NTRK3: variants seen among roughly 807,000 people sequenced by gnomAD.
NTRK3 encodes the protein neurotrophic receptor tyrosine kinase 3.
A neutral mutation model predicts 91.7 loss-of-function variants in NTRK3; 24 were observed. The observed-to-expected ratio is 0.26, with a 90% CI of 0.19 to 0.37. NTRK3 has a LOEUF of 0.37. Ranked by LOEUF, NTRK3 falls within the 10% of genes least tolerant of loss-of-function variation. NTRK3 has a pLI of 1.00. For missense variants in NTRK3, 880 were observed against 1,068.9 expected (o/e 0.82, Z 2.46); for synonymous variants, 483 against 404.0 (o/e 1.20, Z -2.34).
At chr15:87,936,835 C>T (rs1031917270) in intron 15 of NTRK3, among the ~76,000 whole-genome samples, 2 of 152,024 alleles carry the variant, frequency 1.3e-5, no homozygotes, top group African/African-American at 4.8e-5. Flanking sequence ...ACAGGGGTGC[C>T]CCTCTCTTAT....
rs555053938 is a variant in NTRK3, at chr15:88,176,279, G to C, written c.395+7139C>G. On this transcript the variant is annotated intron_variant, in intron 5 of 18. Transcript: ENST00000394480. ...AACCTCCTGAGTAGTTGGGACTACA[G>C]GCAAGCGCCACCATGCCCAGCTAAT... Among the ~76,000 whole-genome samples, 5 of 152,010 alleles carry C rather than the reference G, an allele frequency of 3.3e-5. No homozygotes were observed. In the East Asian group the frequency reaches 9.7e-4, roughly 29 times the overall value.
At chr15:88,223,843 G>C (rs1279364924) in intron 3 of NTRK3, among the ~76,000 whole-genome samples, 1 of 152,192 alleles carries the variant, frequency 6.6e-6, no homozygotes, top group Non-Finnish European at 1.5e-5. Context: ...GTAGAGGCTA[G>C]AAACCGAGGC....
intron 14 of NTRK3, among the ~76,000 whole-genome samples, chr15:87,967,503 T>A (rs1178448842): frequency 6.6e-6 from 1 of 152,210 alleles, no homozygotes; most frequent in East Asian, 1.9e-4. Context: ...GAGCCTCACA[T>A]GTTCCTTAAA....
intron 14 of NTRK3, among the ~76,000 whole-genome samples, chr15:88,017,403 G>A (rs2077309336): frequency 6.6e-6 from 1 of 152,186 alleles, no homozygotes; most frequent in African/African-American, 2.4e-5. Context: ...ATCCATGAAG[G>A]CTTCCCCTTT....
rs59829232 is a variant in NTRK3, at chr15:88,056,202, AT to A, written c.1397-23158del. ...TATATATATATATATATATATATAT[AT>A]TTTTTTTTTAATGTAGAACCTTGAT... On this transcript the variant is annotated intron_variant, in intron 13 of 18. Coordinates refer to ENST00000394480, the Ensembl canonical transcript of NTRK3. 1.5e-3 allele frequency among the ~76,000 whole-genome samples: 153 copies of A among 104,850 alleles called. 2 individuals carry two copies. The highest frequency in any genetic ancestry group is 8.5e-3 in the East Asian group (27 of 3,158). The allele number at this position is 104,850 out of a possible 152,430, so 68.8% of individuals were successfully genotyped here.
chr15:88,178,529 T>C (rs772520484), intron 5 of NTRK3, among the ~76,000 whole-genome samples: 43 of 152,172 alleles, frequency 2.8e-4, no homozygotes, highest in Non-Finnish European at 4.1e-4. Flanking sequence ...CAGCTAAAGA[T>C]TGAGTGCACG....
At chr15:88,066,573 C>T (rs1227620722) in intron 13 of NTRK3, among the ~76,000 whole-genome samples, 4 of 152,182 alleles carry the variant, frequency 2.6e-5, no homozygotes, top group African/African-American at 9.7e-5. Context: ...CTCCCAGCAG[C>T]CTCCTGGATG....
intron 15 of NTRK3, among the ~76,000 whole-genome samples, chr15:87,939,439 A>G (rs1423149943): frequency 6.6e-6 from 1 of 152,242 alleles, no homozygotes; most frequent in Non-Finnish European, 1.5e-5. Flanking sequence ...TCAGTGGTAG[A>G]ACTGGGATTT....
At chr15:87,952,229 GA>G (rs1420942731) in intron 14 of NTRK3, among the ~76,000 whole-genome samples, 1 of 138,822 alleles carries the variant, frequency 7.2e-6, no homozygotes, top group African/African-American at 3.3e-5. Context: ...AAAAGAGAAA[GA>G]AAAGAAAAGA....
chr15:88,221,969 A>G (rs545430992), intron 3 of NTRK3, among the ~76,000 whole-genome samples: 2 of 152,350 alleles, frequency 1.3e-5, no homozygotes, highest in Admixed American at 6.5e-5. Context: ...CTTCTTGCAC[A>G]CCTTACATGC....
At chr15:88,154,940 A>G (rs2043749426) in intron 5 of NTRK3, among the ~76,000 whole-genome samples, 1 of 152,168 alleles carries the variant, frequency 6.6e-6, no homozygotes, top group Non-Finnish European at 1.5e-5. Flanking sequence ...ATACCCACAT[A>G]ACATCCTTAG....
At chr15:88,033,910 G>A (rs1227142711) in intron 13 of NTRK3, among the ~76,000 whole-genome samples, 1 of 152,154 alleles carries the variant, frequency 6.6e-6, no homozygotes, top group Non-Finnish European at 1.5e-5. Flanking sequence ...CTTCTAGGGA[G>A]CTTTAACAAT....
intron 17 of NTRK3, among the ~76,000 whole-genome samples, chr15:87,920,436 G>T (rs1396397485): frequency 6.6e-6 from 1 of 152,220 alleles, no homozygotes; most frequent in East Asian, 1.9e-4. Context: ...CCAGTCTGTG[G>T]CCACGTCTCC....
rs1176572941 is a variant in NTRK3 at position 88,169,752 on chromosome 15, A to G, written c.395+13666T>C. On this transcript the variant is annotated intron_variant, in intron 5 of 18. Coordinates refer to ENST00000394480, the Ensembl canonical transcript of NTRK3. ...GCAAATATACCAGGCTTTCTCTCTC[A>G]CTGCCAGGCATCTGGACATGCAGCA... 2.6e-5 allele frequency among the ~76,000 whole-genome samples: 4 copies of G among 152,240 alleles called. No individual in the cohort carries two copies. In the East Asian group the frequency reaches 7.7e-4, roughly 29 times the overall value.
At chr15:88,132,723 C>A (rs1448115446) in intron 10 of NTRK3, among the ~76,000 whole-genome samples, 1 of 152,184 alleles carries the variant, frequency 6.6e-6, no homozygotes, top group Non-Finnish European at 1.5e-5. Flanking sequence ...TCTCTTCCTG[C>A]ACCCCCAGAT....
intron 3 of NTRK3, among the ~76,000 whole-genome samples, chr15:88,225,717 A>T (rs147199896): frequency 6.6e-6 from 1 of 152,258 alleles, no homozygotes; most frequent in South Asian, 2.1e-4. Flanking sequence ...ATGTTTCCCA[A>T]CCAGATCCAT....
intron 13 of NTRK3, among the ~76,000 whole-genome samples, chr15:88,084,342 G>A (rs1433294144): frequency 1.3e-5 from 2 of 152,140 alleles, no homozygotes; most frequent in Admixed American, 6.5e-5. Flanking sequence ...GCAGGGTTAG[G>A]CTAGTTCAGG....
At chr15:88,135,848 A>G (rs546858567) in intron 9 of NTRK3, 51 bp downstream of exon 9, 6 of 1,608,590 alleles carry the variant, frequency 3.7e-6, no homozygotes, top group South Asian at 3.3e-5. Flanking sequence ...CCAGCCTCCT[A>G]TGCCAGTTGC....
chr15:87,975,079 G>A (rs2141302192), intron 14 of NTRK3, among the ~76,000 whole-genome samples: 1 of 152,284 alleles, frequency 6.6e-6, no homozygotes, highest in South Asian at 2.1e-4. Context: ...CAGCTTCCTT[G>A]TGGGTAAAAT....
Sources: allele counts gnomAD v4.1 joint callset (sites outside exome capture counted in the v4.1 genomes callset), GRCh38; gene constraint gnomAD v4.1.1; transcripts MANE v1.5; gene names NCBI Gene and HGNC (gene_info 2026-07-23, HGNC 2026-07-21).